Variants in DIP2B observed in about 807,000 individuals in gnomAD.
DIP2B encodes the protein disco-interacting protein 2 homolog B.
In DIP2B, 76 loss-of-function variants were observed where a neutral mutation model predicts 198.0. That is an observed-to-expected ratio of 0.38 (90% CI 0.32 to 0.46). DIP2B has a LOEUF of 0.46. Ranked by LOEUF, DIP2B falls within the 20% of genes least tolerant of loss-of-function variation. The probability of loss-of-function intolerance (pLI) is 0.99; values close to 1 mark genes in which losing one functional copy is unlikely to be tolerated. For missense variants in DIP2B, 1,559 were observed against 1,978.4 expected (o/e 0.79, Z 4.02); for synonymous variants, 701 against 739.1 (o/e 0.95, Z 0.84).
At chr12:50,518,701 C>G (rs1958088206) in intron 1 of DIP2B, among the ~76,000 whole-genome samples, 1 of 152,116 alleles carries the variant, frequency 6.6e-6, no homozygotes, top group Non-Finnish European at 1.5e-5. Flanking sequence ...TCTCCTGCAT[C>G]TTAACTGGTA....
chr12:50,678,168 T>A (rs930313852), intron 7 of DIP2B, among the ~76,000 whole-genome samples: 2 of 151,258 alleles, frequency 1.3e-5, no homozygotes, highest in Admixed American at 1.3e-4. Flanking sequence ...GTAATGACCC[T>A]GAGGTATAAC....
At chr12:50,610,965 A>AT (rs1407251253) in intron 1 of DIP2B, among the ~76,000 whole-genome samples, 1 of 151,210 alleles carries the variant, frequency 6.6e-6, no homozygotes, top group African/African-American at 2.4e-5. Context: ...CCTCCAGCTA[A>AT]TTTTTTTGTA....
chr12:50,648,404 C>A (rs993158805), intron 3 of DIP2B, among the ~76,000 whole-genome samples: 4 of 152,070 alleles, frequency 2.6e-5, no homozygotes, highest in African/African-American at 9.7e-5. Flanking sequence ...CGCTCTGTTG[C>A]CCAGGCTGGA....
Position 50,744,663 on chromosome 12 carries a change from G to A in DIP2B, c.4555G>A (p.Val1519Ile). 2 of 1,614,176 alleles carry A rather than the reference G, an allele frequency of 1.2e-6. No homozygotes were observed. Among genetic ancestry groups the A allele is most frequent in the Non-Finnish European group, 8.5e-7 (1 of 1,180,030 alleles). ...CGSEQEALDL[V>I]PLVTNVVLEE... ...CTCTGAACAGGAAGCCCTAGATCTG[G>A]TCCCATTAGTGACCAACGTGGTCCT... Residue 1519 changes from valine to isoleucine, a missense_variant, in exon 38 of 38, where the codon GTC becomes ATC. Val to Ile is a conservative substitution (Grantham distance 29). Coordinates refer to ENST00000301180, the MANE Select transcript of DIP2B (RefSeq NM_173602.3).
intron 1 of DIP2B, among the ~76,000 whole-genome samples, chr12:50,618,189 T>A (rs1937738104): frequency 6.6e-6 from 1 of 152,204 alleles, no homozygotes; most frequent in Admixed American, 6.5e-5. Flanking sequence ...GAATAAAAAA[T>A]TTAAAAGAAT....
chr12:50,586,113 A>G (rs553894156), intron 1 of DIP2B, among the ~76,000 whole-genome samples: 25 of 152,302 alleles, frequency 1.6e-4, no homozygotes, highest in African/African-American at 5.8e-4. Context: ...CTGTTAATAC[A>G]AGGGGATCAG....
chr12:50,733,236 A>G (rs1286481812), intron 32 of DIP2B, among the ~76,000 whole-genome samples: 1 of 109,360 alleles, frequency 9.1e-6, no homozygotes. Context: ...TCTATATTCT[A>G]TACCATTTTT....
intron 27 of DIP2B, 47 bp downstream of exon 27, chr12:50,723,370 G>C: frequency 1.4e-5 from 22 of 1,606,616 alleles, no homozygotes; most frequent in Non-Finnish European, 1.8e-5. Flanking sequence ...CTAAAATCCA[G>C]ATTCAGACAA....
In DIP2B at chr12:50,676,804, A is replaced by G. The variant is rs550886620; in HGVS notation, c.916+1356A>G. ...TTCATGGCAGGAAACAATGCCTACT[A>G]TATACATAGTCTGTCCAAACAAATA... On this transcript the variant is annotated intron_variant, in intron 7 of 37. Coordinates refer to ENST00000301180, the MANE Select transcript of DIP2B (RefSeq NM_173602.3). 1.2e-3 allele frequency among the ~76,000 whole-genome samples: 181 copies of G among 152,368 alleles called. 2 individuals are homozygous for G. Among genetic ancestry groups the G allele is most frequent in the African/African-American group, 4.1e-3 (170 of 41,588 alleles).
intron 1 of DIP2B, among the ~76,000 whole-genome samples, chr12:50,514,254 G>A (rs1483183959): frequency 1.3e-5 from 2 of 151,856 alleles, no homozygotes; most frequent in East Asian, 1.9e-4. Context: ...TAGTAGAGAC[G>A]GGGTTTCTCT....
chr12:50,700,311 A>G (rs1247617023), intron 19 of DIP2B, among the ~76,000 whole-genome samples: 2 of 152,228 alleles, frequency 1.3e-5, no homozygotes, highest in Non-Finnish European at 2.9e-5. Flanking sequence ...AATTGTCTAC[A>G]TTTAATAATT....
chr12:50,505,987 T>C (rs2139332742), intron 1 of DIP2B, among the ~76,000 whole-genome samples: 1 of 152,080 alleles, frequency 6.6e-6, no homozygotes, highest in East Asian at 1.9e-4. Context: ...GCATTCTTTC[T>C]TTTGACAATG....
chr12:50,673,474 T>C (rs751423955), intron 5 of DIP2B, among the ~76,000 whole-genome samples: 6 of 152,218 alleles, frequency 3.9e-5, no homozygotes, highest in Non-Finnish European at 5.9e-5. Context: ...TCCAGTTTAC[T>C]CATTCAGTTT....
chr12:50,633,314 T>C (rs1938097597), intron 2 of DIP2B: 1 of 152,210 alleles, frequency 6.6e-6, no homozygotes, highest in Non-Finnish European at 1.5e-5. Context: ...TAGAACAATA[T>C]AGAGATTAGT....
chr12:50,675,952 C>T (rs759669402), intron 7 of DIP2B, among the ~76,000 whole-genome samples: 7 of 152,070 alleles, frequency 4.6e-5, no homozygotes, highest in Non-Finnish European at 1.0e-4. Context: ...ACAATTTAGA[C>T]GGGTGCTAAA....
chr12:50,572,988 G>C (rs371882069), intron 1 of DIP2B, among the ~76,000 whole-genome samples: 4 of 152,186 alleles, frequency 2.6e-5, no homozygotes, highest in African/African-American at 9.6e-5. Context: ...TTAAAACAGA[G>C]AACACTCTTG....
chr12:50,716,308 T>C (rs964836706), intron 23 of DIP2B, among the ~76,000 whole-genome samples: 3 of 152,234 alleles, frequency 2.0e-5, no homozygotes, highest in Admixed American at 6.5e-5. Context: ...TGGAATACTT[T>C]ATCTTTTTTG....
chr12:50,584,978 C>A (rs1283415097), intron 1 of DIP2B, among the ~76,000 whole-genome samples: 1 of 152,208 alleles, frequency 6.6e-6, no homozygotes, highest in Non-Finnish European at 1.5e-5. Flanking sequence ...TTCGTTTCTA[C>A]CTTTTTTCCT....
At chr12:50,532,917 T>G (rs1958231167) in intron 1 of DIP2B, among the ~76,000 whole-genome samples, 1 of 152,230 alleles carries the variant, frequency 6.6e-6, no homozygotes, top group African/African-American at 2.4e-5. Context: ...TAACTCTTTG[T>G]TAGTGACTCC....
Sources: gnomAD v4.1 joint callset for allele counts (sites outside exome capture counted in the v4.1 genomes callset) on GRCh38, gnomAD v4.1.1 for gene constraint, MANE v1.5 for transcripts, NCBI Gene and HGNC (gene_info 2026-07-23, HGNC 2026-07-21) for gene names.